The following ITM2B variants were observed in gnomAD, a reference collection of about 807,000 sequenced individuals.
ITM2B encodes integral membrane protein 2B, also known as ABri/ADan amyloid peptide.
In ITM2B, 11 loss-of-function variants were observed where a neutral mutation model predicts 27.8. The observed-to-expected ratio is 0.40, with a 90% CI of 0.25 to 0.66. The LOEUF is 0.66. Among genes scored for constraint, ITM2B ranks in the 30% least tolerant of loss-of-function variants. The pLI is 0.43. For missense variants in ITM2B, 296 were observed against 328.9 expected (o/e 0.90, Z 0.77); for synonymous variants, 114 against 114.3 (o/e 1.00, Z 0.02).
At chr13:48,234,998 G>A (rs1951658883) in intron 1 of ITM2B, among the ~76,000 whole-genome samples, 1 of 143,780 alleles carries the variant, frequency 7.0e-6, no homozygotes, top group South Asian at 2.2e-4. Context: ...AATATATGTA[G>A]TCTTAATGCT....
rs200208076 is a variant in ITM2B, at chr13:48,234,528, A to G, written c.117+1051A>G. Among the ~76,000 whole-genome samples, 14 of 152,330 alleles carry G rather than the reference A, an allele frequency of 9.2e-5. No homozygotes were observed. In the East Asian group the frequency reaches 2.5e-3, roughly 27 times the overall value. Reference sequence around the variant, plus strand: ...TTTAACTTAAAAAAATTGGTGTGCCACGTATGAATAATGGGAGTTTTTATA... The same window carrying G: ...TTTAACTTAAAAAAATTGGTGTGCCGCGTATGAATAATGGGAGTTTTTATA... On this transcript the variant is annotated intron_variant, in intron 1 of 5. Coordinates refer to ENST00000647800, the MANE Select transcript of ITM2B (RefSeq NM_021999.5).
chr13:48,266,409 GCTCT>G lies in ITM2B; in HGVS notation c.*5188_*5191del, dbSNP rs922963314. The G allele has an allele frequency of 1.1e-4, 16 of 152,212 alleles. No homozygotes were observed. The highest frequency in any genetic ancestry group is 3.4e-4 in the African/African-American group (14 of 41,520). The allele number at this position is 152,212 out of a possible 1,614,324, so 9.4% of individuals were successfully genotyped here. A position where few individuals can be genotyped will look rare whatever the true frequency, so the allele number is the denominator to read the frequency against. On this transcript the variant is annotated 3_prime_UTR_variant, in exon 6 of 6. Transcript: ENST00000647800. ...AAGTTTCCTCAGAGATGCCACCATA[GCTCT>G]CTATTTCTCATACCTTTCATGATAC...
intron 1 of ITM2B, among the ~76,000 whole-genome samples, chr13:48,237,238 A>G (rs1951673480): frequency 6.6e-6 from 1 of 152,212 alleles, no homozygotes; most frequent in Non-Finnish European, 1.5e-5. Flanking sequence ...ACCAAAGTGC[A>G]TCTTATTACC....
chr13:48,241,113 G>C (rs1310119298), intron 1 of ITM2B, among the ~76,000 whole-genome samples: 1 of 152,188 alleles, frequency 6.6e-6, no homozygotes, highest in East Asian at 1.9e-4. Context: ...TTGGTTTCTA[G>C]ACCTACTGAT....
At chr13:48,237,570 T>G (rs888815015) in intron 1 of ITM2B, among the ~76,000 whole-genome samples, 4 of 152,234 alleles carry the variant, frequency 2.6e-5, no homozygotes, top group African/African-American at 9.6e-5. Flanking sequence ...AAAAGGTTTA[T>G]GTGACTGGAA....
intron 1 of ITM2B, among the ~76,000 whole-genome samples, chr13:48,241,698 C>T (rs188326251): frequency 7.9e-5 from 12 of 152,276 alleles, no homozygotes; most frequent in Middle Eastern, 3.4e-3. Context: ...GTTTTACATT[C>T]GGCAGTGCCC....
At chr13:48,237,818 G>C (rs529412983) in intron 1 of ITM2B, among the ~76,000 whole-genome samples, 1 of 152,136 alleles carries the variant, frequency 6.6e-6, no homozygotes, top group South Asian at 2.1e-4. Flanking sequence ...TTTCCAAAAG[G>C]AAATACTACT....
chr13:48,240,378 T>C (rs1951692965), intron 1 of ITM2B, among the ~76,000 whole-genome samples: 1 of 152,160 alleles, frequency 6.6e-6, no homozygotes, highest in Admixed American at 6.5e-5. Context: ...GCTAATTTTT[T>C]GTATTTTTAA....
intron 3 of ITM2B, among the ~76,000 whole-genome samples, 161 bp downstream of exon 3, chr13:48,256,544 A>C (rs1331089426): frequency 2.0e-5 from 3 of 152,206 alleles, no homozygotes; most frequent in Non-Finnish European, 4.4e-5. Flanking sequence ...GACCCTGCTG[A>C]TGCAGCCTTC....
chr13:48,245,815 C>T (rs1423415964), intron 1 of ITM2B, among the ~76,000 whole-genome samples: 2 of 148,030 alleles, frequency 1.4e-5, no homozygotes, highest in Non-Finnish European at 3.0e-5. Flanking sequence ...CTTTCTCTGT[C>T]GCCCAGGCTG....
intron 2 of ITM2B, among the ~76,000 whole-genome samples, chr13:48,254,688 A>G (rs1951775128): frequency 6.6e-6 from 1 of 151,284 alleles, no homozygotes; most frequent in African/African-American, 2.5e-5. Flanking sequence ...AAAATAATTT[A>G]ACTAATTTTG....
At chr13:48,234,218 C>T (rs1951653868) in intron 1 of ITM2B, among the ~76,000 whole-genome samples, 1 of 152,044 alleles carries the variant, frequency 6.6e-6, no homozygotes, top group Admixed American at 6.5e-5. Context: ...AGAAATTTGC[C>T]CCCGGGTCCC....
Position 48,264,010 on chromosome 13 carries a change from A to AT in ITM2B, c.*2788dup, listed in dbSNP as rs936968969. On this transcript the variant is annotated 3_prime_UTR_variant, in exon 6 of 6. Coordinates refer to ENST00000647800, the MANE Select transcript of ITM2B (RefSeq NM_021999.5). ...GCTCTAGTTTGCTGCTTTGCAACAC[A>AT]TTCTGCCCCTATTGCATTGGTTTAA... 7 of 152,060 alleles carry AT rather than the reference A, an allele frequency of 4.6e-5. No homozygotes were observed. The highest frequency in any genetic ancestry group is 1.7e-4 in the African/African-American group (7 of 41,410). The allele number at this position is 152,060 out of a possible 1,614,324, so 9.4% of individuals were successfully genotyped here.
At chr13:48,234,946 T>C (rs1183254850) in intron 1 of ITM2B, among the ~76,000 whole-genome samples, 1 of 152,196 alleles carries the variant, frequency 6.6e-6, no homozygotes, top group Non-Finnish European at 1.5e-5. Flanking sequence ...TCGTTGTACC[T>C]AAAATAGATT....
In ITM2B at chr13:48,258,334, C is replaced by G. The variant is rs979643195; in HGVS notation, c.564+98C>G. 4.0e-6 allele frequency: 3 copies of G among 759,010 alleles called. No homozygotes were observed. The African/African-American group carries it at 5.1e-5, about 13-fold the overall frequency. The allele number at this position is 759,010 out of a possible 1,614,324, so 47.0% of individuals were successfully genotyped here. On this transcript the variant is annotated intron_variant, in intron 4 of 5. Coordinates refer to ENST00000647800, the MANE Select transcript of ITM2B (RefSeq NM_021999.5). ...CCCTATAGGAGCCCATTTTATCAGA[C>G]TGTAGTTAAGAATTTTACAAAGAGG...
intron 2 of ITM2B, chr13:48,254,764 A>G (rs947361637): frequency 3.3e-5 from 5 of 152,344 alleles, no homozygotes; most frequent in African/African-American, 1.2e-4. Flanking sequence ...GTTGATAGAC[A>G]TTACCAAAAT....
rs1025875256 is a variant in ITM2B at position 48,266,586 on chromosome 13, G to A, written c.*5362G>A. On this transcript the variant is annotated 3_prime_UTR_variant, in exon 6 of 6. Transcript: ENST00000647800. ...CTATAGCTAGAAAAAAAGGAAATAC[G>A]GTATCTACTTCACTAAAACCAAAGG... 2.6e-5 allele frequency: 4 copies of A among 152,010 alleles called. No individual in the cohort carries two copies. Among genetic ancestry groups the A allele is most frequent in the Admixed American group, 2.6e-4 (4 of 15,256 alleles). 9.4% of individuals were successfully genotyped at this position (152,010 alleles called of 1,614,324 possible). A position where few individuals can be genotyped will look rare whatever the true frequency, so the allele number is the denominator to read the frequency against.
chr13:48,241,399 A>G (rs8001351), intron 1 of ITM2B, among the ~76,000 whole-genome samples: 9,817 of 152,138 alleles, frequency 0.065, 686 homozygotes, highest in African/African-American at 0.18. Context: ...TTTAGTAAAG[A>G]CGGGGTTTCA....
chr13:48,245,588 T>A (rs1194360675), intron 1 of ITM2B, among the ~76,000 whole-genome samples: 1 of 151,922 alleles, frequency 6.6e-6, no homozygotes, highest in Non-Finnish European at 1.5e-5. Flanking sequence ...AACCTAAAAC[T>A]GTGCTAGTTT....
Sources: allele counts gnomAD v4.1 joint callset (sites outside exome capture counted in the v4.1 genomes callset), GRCh38; gene constraint gnomAD v4.1.1; transcripts MANE v1.5; gene names NCBI Gene and HGNC (gene_info 2026-07-23, HGNC 2026-07-21).